The following PTHLH variants were observed in gnomAD, a reference collection of about 807,000 sequenced individuals.
PTHLH encodes the protein parathyroid hormone-related protein.
PTHLH carries 5 observed loss-of-function variants against 18.6 expected under a neutral mutation model. The ratio of observed to expected loss-of-function variants is 0.27; its 90% CI spans 0.14 to 0.56. The LOEUF is 0.56. Ranked by LOEUF, PTHLH falls within the 20% of genes least tolerant of loss-of-function variation. PTHLH has a pLI of 0.92. For missense variants in PTHLH, 207 were observed against 223.9 expected (o/e 0.92, Z 0.48); for synonymous variants, 90 against 94.0 (o/e 0.96, Z 0.25).
At position 27,970,218 on chromosome 12, in the gene PTHLH, A is replaced by G. The variant is rs1304717883; in HGVS notation, c.-216T>C. 2.0e-6 allele frequency: 1 copy of G among 495,152 alleles called. No individual in the cohort carries two copies. Among genetic ancestry groups the G allele is most frequent in the Non-Finnish European group, 4.0e-6 (1 of 249,072 alleles). 30.7% of individuals were successfully genotyped at this position (495,152 alleles called of 1,614,324 possible). A position where few individuals can be genotyped will look rare whatever the true frequency, so the allele number is the denominator to read the frequency against. On this transcript the variant is annotated 5_prime_UTR_variant, in exon 3 of 6. Transcript: ENST00000545234. The stretch of plus-strand genomic sequence containing the variant: ...ATGCTGGCCGGGCGGCGCAGGTTGG[A>G]GGCGAGTTGAAAACCGAGCGGAGGA...
At chr12:27,961,756 C>T in intron 5 of PTHLH, 1 of 528,622 alleles carries the variant, frequency 1.9e-6, no homozygotes, top group African/African-American at 1.9e-5. Context: ...ACTACTTATC[C>T]CATATGATTG....
Position 27,961,287 on chromosome 12 carries a change from GTATATATATATACGTATA to G in PTHLH, c.524+2043_524+2060del, listed in dbSNP as rs1418458085. 6.1e-4 allele frequency among the ~76,000 whole-genome samples: 21 copies of G among 34,186 alleles called. 1 individual carries two copies. The highest frequency in any genetic ancestry group is 3.1e-3 in the South Asian group (3 of 974). The allele number at this position is 34,186 out of a possible 152,430, so 22.4% of individuals were successfully genotyped here. A position where few individuals can be genotyped will look rare whatever the true frequency, so the allele number is the denominator to read the frequency against. On this transcript the variant is annotated intron_variant, in intron 5 of 5. Transcript: ENST00000545234. ...CTCTTTTTATAACTCATATATATAC[GTATATATATATACGTATA>G]TATATATATATATATACGTATATAT... is the stretch of plus-strand genomic sequence containing the variant.
chr12:27,965,883 G>C (rs1439795309), intron 4 of PTHLH, among the ~76,000 whole-genome samples: 3 of 152,164 alleles, frequency 2.0e-5, no homozygotes, highest in African/African-American at 7.2e-5. Flanking sequence ...AGTTTAATAA[G>C]TATCTTTTAG....
Position 27,969,505 on chromosome 12 carries a change from C to T in PTHLH, c.-11G>A. ...CAGTCTCCGCTGCATCGTCTCCGCT[C>T]GCGCTCGGGACCTGCAACAGAAGGG... On this transcript the variant is annotated 5_prime_UTR_variant, in exon 4 of 6. Transcript: ENST00000545234. The T allele has an allele frequency of 1.3e-6, 2 of 1,562,352 alleles. No individual in the cohort carries two copies. The highest frequency in any genetic ancestry group is 1.7e-6 in the Non-Finnish European group (2 of 1,155,720).
chr12:27,968,399 G>T (rs1330831006), intron 4 of PTHLH, among the ~76,000 whole-genome samples: 1 of 152,162 alleles, frequency 6.6e-6, no homozygotes, highest in South Asian at 2.1e-4. Flanking sequence ...TTTATTGTTA[G>T]TGTAAAAATT....
chr12:27,971,458 G>A (rs2062871194), intron 2 of PTHLH, among the ~76,000 whole-genome samples: 3 of 152,100 alleles, frequency 2.0e-5, no homozygotes, highest in Non-Finnish European at 4.4e-5. Flanking sequence ...CAATCCTGCT[G>A]GTAGGGTTCA....
chr12:27,959,835 T>G (rs1270114), intron 5 of PTHLH, among the ~76,000 whole-genome samples: 51,340 of 152,028 alleles, frequency 0.34, 8,978 homozygotes, highest in Non-Finnish European at 0.36. Flanking sequence ...TGGATGGATG[T>G]GGATAGATGA....
In PTHLH at chr12:27,969,413, C is replaced by T; in HGVS notation, c.82G>A (p.Glu28Lys). ...YAVPSCGRSV[E>K]GLSRRLKRAV... ...ACTTACAGGCGGCGGCTGAGACCCT[C>T]CACCGAGCGCCCGCAGGAGGGCACC... Residue 28 changes from glutamate to lysine, a missense_variant, in exon 4 of 6, where the codon GAG becomes AAG. Physicochemically the swap from Glu to Lys is moderately conservative, Grantham distance 56 (BLOSUM62 1). Transcript: ENST00000545234. The T allele has an allele frequency of 6.3e-7, 1 of 1,586,222 alleles. No homozygotes were observed. The highest frequency in any genetic ancestry group is 8.6e-7 in the Non-Finnish European group (1 of 1,169,098).
At chr12:27,961,809 A>T (rs974245106) in intron 5 of PTHLH, 1 of 560,232 alleles carries the variant, frequency 1.8e-6, no homozygotes, top group Non-Finnish European at 3.1e-6. Flanking sequence ...CAGCTTAAAG[A>T]GACAAATAAT....
At chr12:27,962,967 C>G (rs1251979657) in intron 5 of PTHLH, 1 of 1,132,680 alleles carries the variant, frequency 8.8e-7, no homozygotes, top group East Asian at 6.0e-5. Flanking sequence ...ATGAAAAACA[C>G]TGAAGAAAGT....
chr12:27,962,949 CG>C (rs1469231526), intron 5 of PTHLH: 4 of 1,111,268 alleles, frequency 3.6e-6, no homozygotes, highest in Admixed American at 4.6e-5. Flanking sequence ...AGTGAAAGAA[CG>C]TAAGAAATGA....
At position 27,970,099 on chromosome 12, in the gene PTHLH, G is replaced by A. The variant is rs1214273009; in HGVS notation, c.-97C>T. 3.9e-6 allele frequency: 2 copies of A among 518,942 alleles called. No homozygotes were observed. Among genetic ancestry groups the A allele is most frequent in the African/African-American group, 1.9e-5 (1 of 51,980 alleles). 32.1% of individuals were successfully genotyped at this position (518,942 alleles called of 1,614,324 possible). A position where few individuals can be genotyped will look rare whatever the true frequency, so the allele number is the denominator to read the frequency against. Reference sequence around the variant, plus strand: ...AGAACAAGTTTCAAGTGCGTGTGTCGTCGATCAGGAGGGCCAGGTGGCGGC... The same window carrying A: ...AGAACAAGTTTCAAGTGCGTGTGTCATCGATCAGGAGGGCCAGGTGGCGGC... On this transcript the variant is annotated 5_prime_UTR_variant, in exon 3 of 6. The change creates a new upstream start codon in the 5' untranslated region. Coordinates refer to ENST00000545234, the MANE Select transcript of PTHLH (RefSeq NM_198965.2).
intron 3 of PTHLH, 180 bp downstream of exon 3, chr12:27,969,845 C>T (rs1225199420): frequency 7.5e-6 from 4 of 535,134 alleles, no homozygotes; most frequent in Non-Finnish European, 1.5e-5. Context: ...TTACACGTCT[C>T]CCATAGCAAT....
intron 5 of PTHLH, chr12:27,961,940 A>G (rs767476135): frequency 1.4e-6 from 1 of 729,492 alleles, no homozygotes; most frequent in East Asian, 2.5e-5. Context: ...TTAGTTGCAT[A>G]TGATGTGTTC....
chr12:27,962,558 A>G, intron 5 of PTHLH: 2 of 985,466 alleles, frequency 2.0e-6, no homozygotes, highest in South Asian at 4.7e-5. Flanking sequence ...TATTACCTCA[A>G]TCTGTGAGCT....
chr12:27,966,233 A>G (rs2062811752), intron 4 of PTHLH, among the ~76,000 whole-genome samples: 1 of 152,244 alleles, frequency 6.6e-6, no homozygotes, highest in African/African-American at 2.4e-5. Flanking sequence ...CTTCTAATTT[A>G]TAAAAAGCCT....
At chr12:27,961,316 T>C (rs55936388) in intron 5 of PTHLH, among the ~76,000 whole-genome samples, 2 of 137,564 alleles carry the variant, frequency 1.5e-5, no homozygotes, top group South Asian at 2.4e-4. Context: ...TATATATATA[T>C]ATATACGTAT....
In PTHLH at chr12:27,970,125, G is replaced by A. The variant is rs761692000; in HGVS notation, c.-123C>T. ...TCGATCAGGAGGGCCAGGTGGCGGC[G>A]AGGGCGGGTCGTTAGTGGCAGCCGG... On this transcript the variant is annotated 5_prime_UTR_variant, in exon 3 of 6. Coordinates refer to ENST00000545234, the MANE Select transcript of PTHLH (RefSeq NM_198965.2). The A allele has an allele frequency of 1.3e-4, 69 of 518,786 alleles. No individual in the cohort carries two copies. Among genetic ancestry groups the A allele is most frequent in the Non-Finnish European group, 2.0e-4 (52 of 259,864 alleles). The allele number at this position is 518,786 out of a possible 1,614,324, so 32.1% of individuals were successfully genotyped here.
At chr12:27,970,399 C>T (rs1372689184) in intron 2 of PTHLH, 132 bp from the exon 3 acceptor site, 1 of 148,172 alleles carries the variant, frequency 6.7e-6, no homozygotes, top group African/African-American at 2.4e-5. Flanking sequence ...GAACGGGCCC[C>T]GCGCCGCCCG....
Sources: gnomAD v4.1 joint callset for allele counts (sites outside exome capture counted in the v4.1 genomes callset) on GRCh38, gnomAD v4.1.1 for gene constraint, MANE v1.5 for transcripts, NCBI Gene and HGNC (gene_info 2026-07-23, HGNC 2026-07-21) for gene names.